PAX6: variants seen among roughly 807,000 people sequenced by gnomAD.
PAX6 encodes the protein paired box protein Pax-6.
A neutral mutation model predicts 60.7 loss-of-function variants in PAX6; 7 were observed. That is an observed-to-expected ratio of 0.12 (90% CI 0.07 to 0.22). The LOEUF is 0.22. Among genes scored for constraint, PAX6 ranks in the 10% least tolerant of loss-of-function variants. The pLI, the probability that PAX6 is intolerant of heterozygous loss-of-function variation, is 1.00. For missense variants in PAX6, 355 were observed against 555.2 expected (o/e 0.64, Z 3.62); for synonymous variants, 208 against 201.2 (o/e 1.03, Z -0.29).
intron 12 of PAX6, 85 bp from the exon 13 acceptor site, chr11:31,790,945 G>T: frequency 7.1e-7 from 1 of 1,416,110 alleles, no homozygotes; most frequent in South Asian, 1.2e-5. Flanking sequence ...GAGGAACTCT[G>T]CCAACAAGTC....
intron 4 of PAX6, chr11:31,806,148 C>A: frequency 4.1e-6 from 2 of 490,308 alleles, no homozygotes; most frequent in Non-Finnish European, 3.5e-6. Context: ...GGTTTCTCTA[C>A]CGCAGCTTCG....
intron 5 of PAX6, 58 bp from the exon 6 acceptor site, chr11:31,801,970 T>C: frequency 7.1e-7 from 1 of 1,399,388 alleles, no homozygotes; most frequent in Non-Finnish European, 1.0e-6. Context: ...GAGCTTTTTT[T>C]CTTAAAATTA....
intron 4 of PAX6, chr11:31,803,065 G>A (rs1954640599): frequency 3.5e-6 from 2 of 576,152 alleles, no homozygotes; most frequent in South Asian, 2.0e-5. Context: ...ATCAAATAAA[G>A]GACAACAGGA....
chr11:31,790,860 G>C lies in PAX6; in HGVS notation c.1075C>G (p.Pro359Ala), dbSNP rs1484443521. The C allele has an allele frequency of 6.2e-7, 1 of 1,613,982 alleles. No individual in the cohort carries two copies. Among genetic ancestry groups the C allele is most frequent in the Non-Finnish European group, 8.5e-7 (1 of 1,179,938 alleles). Residue 359 changes from proline (P) to alanine (A), a missense_variant and splice_region_variant, in exon 13 of 14, where the codon CCC (proline) becomes GCC (alanine). Physicochemically the swap from Pro to Ala is conservative, Grantham distance 27. This residue lies in a region of PAX6 where 149 missense variants were observed against 191.9 expected (regional missense o/e 0.78). Coordinates refer to ENST00000640368, the MANE Select transcript of PAX6 (RefSeq NM_001368894.2). Reference sequence around the variant, plus strand: ...GAGGAGGTCTGGCTGGGGACTGGGGGCTGTGAGGAGAGAGGCAAACCTGTG... The same window carrying C: ...GAGGAGGTCTGGCTGGGGACTGGGGCCTGTGAGGAGAGAGGCAAACCTGTG... The part of the protein sequence containing the change: ...FTMANNLPMQ[P>A]PVPSQTSSYS...
chr11:31,813,335 G>A (rs539350485), upstream of PAX6, among the ~76,000 whole-genome samples: 22 of 142,554 alleles, frequency 1.5e-4, no homozygotes, highest in African/African-American at 5.4e-4. Context: ...CATTAAAGAA[G>A]CTTGGACTCA....
intron 5 of PAX6, chr11:31,802,418 T>C (rs1038319118): frequency 4.7e-6 from 2 of 427,988 alleles, no homozygotes; most frequent in African/African-American, 2.0e-5. Context: ...TGAATGTCTT[T>C]ACCAAATAAA....
chr11:31,809,053 G>T (rs1209908858), intron 2 of PAX6, among the ~76,000 whole-genome samples: 1 of 152,146 alleles, frequency 6.6e-6, no homozygotes, highest in East Asian at 1.9e-4. Context: ...GTTTTCAAAT[G>T]CTGTTCTTTT....
chr11:31,816,644 G>C lies in PAX6; in HGVS notation c.-317+1165C>G, dbSNP rs750659447. 3.5e-4 allele frequency: 247 copies of C among 702,176 alleles called. 1 individual carries two copies. The highest frequency in any genetic ancestry group is 3.5e-3 in the South Asian group (237 of 67,590). The allele number at this position is 702,176 out of a possible 1,614,324, so 43.5% of individuals were successfully genotyped here. A position where few individuals can be genotyped will look rare whatever the true frequency, so the allele number is the denominator to read the frequency against. On this transcript the variant is annotated intron_variant, in intron 1 of 12. Coordinates refer to the PAX6 transcript ENST00000241001. ...GAGGAGAGGATCCCGGCCCAGGTAA[G>C]GCGTGCGGCCGGACTGCCACTGCGC...
chr11:31,790,371 G>T, intron 13 of PAX6: 1 of 1,064,344 alleles, frequency 9.4e-7, no homozygotes, highest in Non-Finnish European at 1.2e-6. Flanking sequence ...GAGGAGCTAT[G>T]AGGGCAAGAA....
intron 2 of PAX6, chr11:31,807,862 GT>G (rs1438725356): frequency 6.6e-6 from 1 of 151,976 alleles, no homozygotes; most frequent in African/African-American, 2.4e-5. Flanking sequence ...CAGTGCAGGG[GT>G]CCCCGAGGCT....
upstream of PAX6, chr11:31,811,492 G>A (rs867206204): frequency 3.1e-6 from 1 of 319,994 alleles, no homozygotes; most frequent in Admixed American, 5.0e-5. Context: ...TCCTCTCCCC[G>A]GCGCAGGGCC....
At chr11:31,801,382 C>T (rs1052519999) in intron 7 of PAX6, 179 bp downstream of exon 7, 3 of 1,497,298 alleles carry the variant, frequency 2.0e-6, no homozygotes, top group Non-Finnish European at 2.7e-6. Context: ...CTCCCATTTT[C>T]CAGACAGTCA....
At chr11:31,796,218 A>G (rs1951451575) in intron 8 of PAX6, among the ~76,000 whole-genome samples, 1 of 152,272 alleles carries the variant, frequency 6.6e-6, no homozygotes, top group African/African-American at 2.4e-5. Context: ...GCGCTGCACA[A>G]TGCCCCGCGA....
At chr11:31,791,178 A>T in intron 12 of PAX6, 1 of 426,494 alleles carries the variant, frequency 2.3e-6, no homozygotes, top group South Asian at 2.1e-5. Flanking sequence ...TCTTTGAAGA[A>T]CCTATAGCAT....
chr11:31,814,171 AGGCCGGC>A (rs1175786238), upstream of PAX6: 2 of 151,956 alleles, frequency 1.3e-5, no homozygotes, highest in African/African-American at 2.4e-5. Context: ...AGGACCTCTC[AGGCCGGC>A]GGGTGCGTTC....
intron 8 of PAX6, among the ~76,000 whole-genome samples, chr11:31,796,537 C>A (rs1181105524): frequency 2.2e-5 from 3 of 139,318 alleles, no homozygotes. Flanking sequence ...TGGACGGGGA[C>A]CAGGGCTGGG....
chr11:31,793,628 C>T (rs982149565), intron 11 of PAX6, 24 bp downstream of exon 11: 1 of 1,614,014 alleles, frequency 6.2e-7, no homozygotes, highest in Non-Finnish European at 8.5e-7. Context: ...GACATTGATT[C>T]GTAGTATTAG....
intron 1 of PAX6, chr11:31,816,518 G>T (rs1957382211): frequency 2.8e-6 from 2 of 702,522 alleles, no homozygotes; most frequent in South Asian, 3.0e-5. Flanking sequence ...GAGGAGGCCC[G>T]AGGATGGCTG....
chr11:31,798,882 A>G (rs914468631), intron 8 of PAX6, among the ~76,000 whole-genome samples: 2 of 151,984 alleles, frequency 1.3e-5, no homozygotes, highest in Admixed American at 6.5e-5. Context: ...CTTCTGCCCA[A>G]CTCCAAGAAG....
Sources: gnomAD v4.1 joint callset for allele counts (sites outside exome capture counted in the v4.1 genomes callset) on GRCh38, gnomAD v4.1.1 for gene constraint, gnomAD v4.1.1 regional missense constraint, MANE v1.5 for transcripts, NCBI Gene and HGNC (gene_info 2026-07-23, HGNC 2026-07-21) for gene names.